Variants in NUP133 observed in about 807,000 individuals in gnomAD.
NUP133 encodes the protein nuclear pore complex protein Nup133.
Under a neutral mutation model 146.2 loss-of-function variants are expected in NUP133, and 66 were observed. The observed-to-expected ratio is 0.45, with a 90% CI of 0.37 to 0.55. The LOEUF (loss-of-function observed/expected upper bound fraction) is 0.55, where lower values mean the gene tolerates loss of function less well. Ranked by LOEUF, NUP133 falls within the 20% of genes least tolerant of loss-of-function variation. The probability of loss-of-function intolerance (pLI) is 0.00; values close to 1 mark genes in which losing one functional copy is unlikely to be tolerated. For missense variants in NUP133, 1,277 were observed against 1,374.8 expected (o/e 0.93, Z 1.12); for synonymous variants, 521 against 498.8 (o/e 1.04, Z -0.59).
At chr1:229,464,496 T>C in intron 18 of NUP133, 128 bp downstream of exon 18, 6 of 1,086,956 alleles carry the variant, frequency 5.5e-6, no homozygotes. Flanking sequence ...CAGAAAGCTG[T>C]GCATATTTGC....
At chr1:229,477,781 A>G (rs1230888229) in intron 12 of NUP133, 21 bp from the exon 13 acceptor site, 1 of 1,595,488 alleles carries the variant, frequency 6.3e-7, no homozygotes, top group Non-Finnish European at 8.6e-7. Context: ...ATTGGAAAAC[A>G]CAAGTATTAA....
chr1:229,454,239 A>G (rs978111793), intron 21 of NUP133, among the ~76,000 whole-genome samples: 3 of 152,322 alleles, frequency 2.0e-5, no homozygotes, highest in East Asian at 1.9e-4. Flanking sequence ...GTTGCAGCCC[A>G]TGACCTGACT....
intron 12 of NUP133, among the ~76,000 whole-genome samples, chr1:229,481,564 C>T (rs1371186339): frequency 1.5e-4 from 22 of 151,688 alleles, no homozygotes; most frequent in Admixed American, 1.3e-3. Flanking sequence ...AAAAATTAGC[C>T]GGGCATGGCA....
chr1:229,507,453 GTGA>G lies in NUP133; in HGVS notation c.182+612_182+614del, dbSNP rs1215062713. On this transcript the variant is annotated intron_variant, in intron 1 of 25. Transcript: ENST00000261396. ...TGGGGGTGGGGAGGGGTGTGTGTGTGTGATGATTTTACTGGTGCTCCAAACGAG... is the reference window on the plus strand; with the variant it reads ...TGGGGGTGGGGAGGGGTGTGTGTGTGTGATTTTACTGGTGCTCCAAACGAG... 2.6e-5 allele frequency among the ~76,000 whole-genome samples: 4 copies of G among 152,236 alleles called. No homozygotes were observed. In the South Asian group the frequency reaches 6.2e-4, roughly 24 times the overall value.
chr1:229,477,512 TA>T, intron 13 of NUP133, 84 bp downstream of exon 13: 4 of 1,036,526 alleles, frequency 3.9e-6, no homozygotes, highest in African/African-American at 1.6e-5. Flanking sequence ...TTTGAGAAGC[TA>T]AAAAATATGC....
At chr1:229,443,872 G>A in intron 25 of NUP133, among the ~76,000 whole-genome samples, 1 of 147,020 alleles carries the variant, frequency 6.8e-6, no homozygotes, top group Admixed American at 6.8e-5. Context: ...GGAAACACAG[G>A]CATGCACCCC....
intron 11 of NUP133, among the ~76,000 whole-genome samples, chr1:229,485,135 C>G (rs140507156): frequency 4.6e-5 from 7 of 152,144 alleles, no homozygotes; most frequent in African/African-American, 1.7e-4. Context: ...CCTGGCTATT[C>G]CTCTCAAAAA....
intron 2 of NUP133, among the ~76,000 whole-genome samples, chr1:229,502,839 C>T (rs1335885117): frequency 6.6e-6 from 1 of 150,942 alleles, no homozygotes; most frequent in Non-Finnish European, 1.5e-5. Context: ...CAGTGCACTT[C>T]CCAGCTACTA....
chr1:229,453,311 T>C (rs911581901), intron 21 of NUP133, among the ~76,000 whole-genome samples: 2 of 152,168 alleles, frequency 1.3e-5, no homozygotes, highest in African/African-American at 2.4e-5. Flanking sequence ...GAAATGGGGA[T>C]AGCCAAAACT....
chr1:229,471,657 C>T (rs191171721), intron 14 of NUP133, among the ~76,000 whole-genome samples: 5 of 152,198 alleles, frequency 3.3e-5, no homozygotes, highest in East Asian at 1.9e-4. Flanking sequence ...ATTACAATAA[C>T]CTGAACTAGG....
chr1:229,464,793 G>A lies in NUP133; in HGVS notation c.2382C>T (p.Asp794=). 6.2e-7 allele frequency: 1 copy of A among 1,614,208 alleles called. No individual in the cohort carries two copies. ...IVLKVAYPQA[D]SNLRNIVTEQ... is the part of the protein sequence containing the mutation. Reference sequence around the variant, plus strand: ...CGGTCACGATGTTTCGGAGGTTGCTGTCTGCCTGTGGATAAGCCACCTTCA... The same window carrying A: ...CGGTCACGATGTTTCGGAGGTTGCTATCTGCCTGTGGATAAGCCACCTTCA... The change falls in exon 18 of 26, where the codon GAC becomes GAT. Residue 794 remains aspartate (D), a synonymous_variant. Transcript: ENST00000261396.
At chr1:229,501,649 T>G (rs1425827549) in intron 3 of NUP133, among the ~76,000 whole-genome samples, 1 of 152,242 alleles carries the variant, frequency 6.6e-6, no homozygotes, top group African/African-American at 2.4e-5. Context: ...AAAACATAGT[T>G]CTGTCTTCTC....
chr1:229,473,203 G>T (rs1349466697), intron 14 of NUP133, among the ~76,000 whole-genome samples: 1 of 152,248 alleles, frequency 6.6e-6, no homozygotes, highest in South Asian at 2.1e-4. Context: ...AGTGAGCTGC[G>T]ATCGTGCCAC....
chr1:229,483,950 A>G, intron 12 of NUP133, 104 bp downstream of exon 12: 4 of 717,884 alleles, frequency 5.6e-6, no homozygotes, highest in Non-Finnish European at 9.4e-6. Context: ...TCCTCTTGAT[A>G]GCATCATTCC....
chr1:229,479,174 A>G (rs959287524), intron 12 of NUP133, among the ~76,000 whole-genome samples: 1 of 152,218 alleles, frequency 6.6e-6, no homozygotes, highest in Non-Finnish European at 1.5e-5. Context: ...AACATACACC[A>G]AAATCCACCC....
At chr1:229,484,608 A>T (rs1661301453) in intron 11 of NUP133, among the ~76,000 whole-genome samples, 1 of 152,228 alleles carries the variant, frequency 6.6e-6, no homozygotes, top group African/African-American at 2.4e-5. Context: ...TGGACATTTC[A>T]TCATAATTAA....
Position 229,486,513 on chromosome 1 carries a change from C to T in NUP133, c.1358G>A (p.Gly453Asp), listed in dbSNP as rs1661351682. Residue 453 changes from glycine (G) to aspartate (D), a missense_variant, in exon 11 of 26, where the codon GGT (glycine) becomes GAT (aspartate). Physicochemically the swap from Gly to Asp is moderately conservative, Grantham distance 94. Around this residue, in one of 3 missense-constraint regions of NUP133, gnomAD observed 952 missense variants for 1,047.0 expected, o/e 0.91. Transcript: ENST00000261396. ...AGGAACACCACCACAGGCACCAGCA[C>T]CTAAAACACTATCTCCTAAAAGAAA... ...VFNAQGDSVL[G>D]AGACGGVPII... is the part of the protein sequence containing the mutation. 2 of 1,606,760 alleles carry T rather than the reference C, an allele frequency of 1.2e-6. No homozygotes were observed. Among genetic ancestry groups the T allele is most frequent in the Non-Finnish European group, 1.7e-6 (2 of 1,178,032 alleles).
At chr1:229,466,860 G>A (rs949358440) in intron 15 of NUP133, 104 bp from the exon 16 acceptor site, 3 of 935,834 alleles carry the variant, frequency 3.2e-6, no homozygotes, top group African/African-American at 3.3e-5. Context: ...CAGACCTATA[G>A]ATGGAGGAAA....
chr1:229,507,195 C>T (rs2102790776), intron 1 of NUP133, among the ~76,000 whole-genome samples: 1 of 152,312 alleles, frequency 6.6e-6, no homozygotes, highest in African/African-American at 2.4e-5. Flanking sequence ...AAGATCAGCA[C>T]TTTGAAAAGA....
Sources: allele counts gnomAD v4.1 joint callset (sites outside exome capture counted in the v4.1 genomes callset), GRCh38; gene constraint gnomAD v4.1.1; regional missense constraint gnomAD v4.1.1; transcripts MANE v1.5; gene names NCBI Gene and HGNC (gene_info 2026-07-23, HGNC 2026-07-21).